The following CAMSAP2 variants were observed in gnomAD, a reference collection of about 807,000 sequenced individuals.
CAMSAP2 encodes the protein calmodulin-regulated spectrin-associated protein 2.
In CAMSAP2, 26 loss-of-function variants were observed where a neutral mutation model predicts 146.1. The observed-to-expected ratio is 0.18, with a 90% CI of 0.13 to 0.25. The LOEUF (loss-of-function observed/expected upper bound fraction) is 0.25, where lower values mean the gene tolerates loss of function less well. CAMSAP2 is among the 10% of genes least tolerant of loss of function. CAMSAP2 has a pLI of 1.00. For missense variants in CAMSAP2, 1,381 were observed against 1,759.3 expected (o/e 0.78, Z 3.85); for synonymous variants, 499 against 596.6 (o/e 0.84, Z 2.38).
chr1:200,822,911 C>T (rs781443605), intron 4 of CAMSAP2, among the ~76,000 whole-genome samples: 1 of 152,104 alleles, frequency 6.6e-6, no homozygotes, highest in Non-Finnish European at 1.5e-5. Flanking sequence ...ATTTTTCATT[C>T]ATTTTCAGAC....
intron 7 of CAMSAP2, among the ~76,000 whole-genome samples, chr1:200,844,239 A>G (rs1163719578): frequency 3.3e-5 from 5 of 152,076 alleles, no homozygotes; most frequent in African/African-American, 1.2e-4. Context: ...ATCCTTAATC[A>G]GATGAATTTT....
intron 1 of CAMSAP2, among the ~76,000 whole-genome samples, chr1:200,759,484 T>G (rs1664741323): frequency 6.6e-6 from 1 of 152,080 alleles, no homozygotes; most frequent in African/African-American, 2.4e-5. Flanking sequence ...ATCATATTGG[T>G]CAGGCAGGTC....
intron 2 of CAMSAP2, among the ~76,000 whole-genome samples, chr1:200,805,411 A>G (rs886929164): frequency 1.3e-5 from 2 of 152,192 alleles, no homozygotes; most frequent in Non-Finnish European, 2.9e-5. Context: ...TGTAGGGAAT[A>G]GGAAGATAAC....
At chr1:200,777,719 C>G (rs920502042) in intron 2 of CAMSAP2, among the ~76,000 whole-genome samples, 2 of 152,110 alleles carry the variant, frequency 1.3e-5, no homozygotes, top group African/African-American at 4.8e-5. Flanking sequence ...CATATATTCT[C>G]TATATATGCT....
At chr1:200,749,656 C>T (rs1437163904) in intron 1 of CAMSAP2, among the ~76,000 whole-genome samples, 1 of 152,126 alleles carries the variant, frequency 6.6e-6, no homozygotes, top group African/African-American at 2.4e-5. Flanking sequence ...AAAACTAGCT[C>T]CTTATCTATA....
At chr1:200,846,320 A>G (rs1667458794) in intron 8 of CAMSAP2, among the ~76,000 whole-genome samples, 1 of 152,224 alleles carries the variant, frequency 6.6e-6, no homozygotes, top group African/African-American at 2.4e-5. Flanking sequence ...TTCCACTCAA[A>G]GATTAGATTA....
chr1:200,747,203 G>T (rs1664358909), intron 1 of CAMSAP2, among the ~76,000 whole-genome samples: 1 of 152,132 alleles, frequency 6.6e-6, no homozygotes, highest in Admixed American at 6.5e-5. Context: ...CCAGCTGACT[G>T]CCAGTCACTT....
chr1:200,803,713 T>A (rs1666096172), intron 2 of CAMSAP2, among the ~76,000 whole-genome samples: 1 of 152,192 alleles, frequency 6.6e-6, no homozygotes. Flanking sequence ...TTTTAGAAAT[T>A]TGTTTTTTAA....
chr1:200,843,622 T>G (rs1433248892), intron 7 of CAMSAP2, among the ~76,000 whole-genome samples: 1 of 152,164 alleles, frequency 6.6e-6, no homozygotes, highest in Non-Finnish European at 1.5e-5. Flanking sequence ...CCAACAGCTG[T>G]TGCATCAGAT....
chr1:200,814,175 A>G (rs905830728), intron 3 of CAMSAP2, among the ~76,000 whole-genome samples: 8 of 149,008 alleles, frequency 5.4e-5, no homozygotes, highest in Non-Finnish European at 1.0e-4. Flanking sequence ...ACTACAAAAC[A>G]AACAAATAGA....
chr1:200,760,476 G>C (rs1664770620), intron 1 of CAMSAP2, among the ~76,000 whole-genome samples: 1 of 152,178 alleles, frequency 6.6e-6, no homozygotes, highest in Admixed American at 6.5e-5. Flanking sequence ...CATGTTGACA[G>C]CTTGCCTGTG....
intron 2 of CAMSAP2, among the ~76,000 whole-genome samples, chr1:200,768,246 A>G (rs1320928200): frequency 2.6e-5 from 4 of 152,216 alleles, no homozygotes; most frequent in Admixed American, 2.6e-4. Context: ...TTTACCACAT[A>G]GAGAAATGAA....
chr1:200,853,025 A>G lies in CAMSAP2; in HGVS notation c.3603-250A>G, dbSNP rs1389522345. On this transcript the variant is annotated intron_variant, in intron 12 of 16. Coordinates refer to ENST00000358823, the MANE Select transcript of CAMSAP2 (RefSeq NM_203459.4). This position sits in a 1 kb window ranked among gnomAD's most constrained non-coding sequence, Gnocchi z 5.1. ...TACACACACACACACACACACACAC[A>G]CACACGACCTAAATTATCTCAAATA... Among the ~76,000 whole-genome samples the G allele has an allele frequency of 7.2e-6, 1 of 138,370 alleles. No individual in the cohort carries two copies. The highest frequency in any genetic ancestry group is 2.6e-5 in the African/African-American group (1 of 38,106). The allele number at this position is 138,370 out of a possible 152,430, so 90.8% of individuals were successfully genotyped here.
chr1:200,739,715 G>A lies in CAMSAP2; in HGVS notation c.-113G>A. 9.5e-7 allele frequency: 1 copy of A among 1,048,868 alleles called. No homozygotes were observed. The highest frequency in any genetic ancestry group is 1.3e-6 in the Non-Finnish European group (1 of 795,802). The allele number at this position is 1,048,868 out of a possible 1,614,324, so 65.0% of individuals were successfully genotyped here. A position where few individuals can be genotyped will look rare whatever the true frequency, so the allele number is the denominator to read the frequency against. ...CTCCGTCGGCGCCCGGGCGGACATC[G>A]CCCGGGCCCCGATGGTTTGAGCTTG... On this transcript the variant is annotated 5_prime_UTR_variant, in exon 1 of 17. Coordinates refer to ENST00000358823, the MANE Select transcript of CAMSAP2 (RefSeq NM_203459.4). This position sits in a 1 kb window ranked among gnomAD's most constrained non-coding sequence, Gnocchi z 4.8.
chr1:200,745,576 A>G (rs1664298890), intron 1 of CAMSAP2, among the ~76,000 whole-genome samples: 1 of 152,242 alleles, frequency 6.6e-6, no homozygotes, highest in South Asian at 2.1e-4. Flanking sequence ...AGAGGTGGAA[A>G]CAAAATTAGA....
chr1:200,849,996 C>T lies in CAMSAP2; in HGVS notation c.3227C>T (p.Pro1076Leu), dbSNP rs767979653. The T allele has an allele frequency of 6.2e-7, 1 of 1,613,970 alleles. No individual in the cohort carries two copies. Among genetic ancestry groups the T allele is most frequent in the Admixed American group, 1.7e-5 (1 of 59,988 alleles). Residue 1076 changes from proline (P) to leucine (L), a missense_variant, in exon 11 of 17, where the codon CCT (proline) becomes CTT (leucine). By Grantham distance (98) the Pro-to-Leu change is moderately conservative. This residue lies in a region of CAMSAP2 where 560 missense variants were observed against 715.9 expected (regional missense o/e 0.78). Coordinates refer to ENST00000358823, the MANE Select transcript of CAMSAP2 (RefSeq NM_203459.4). This position sits in a 1 kb window ranked among gnomAD's most constrained non-coding sequence, Gnocchi z 6.3. ...ESTVSEVLSL[P>L]VTETVCLTPN... is the part of the protein sequence containing the mutation. The stretch of plus-strand genomic sequence containing the variant: ...ACAGTCTCTGAAGTCCTATCACTGC[C>T]TGTCACAGAGACTGTATGTCTGACA...
At chr1:200,855,058 T>G (rs2275192) in intron 14 of CAMSAP2, among the ~76,000 whole-genome samples, 169 bp downstream of exon 14, 20,344 of 150,514 alleles carry the variant, frequency 0.14, 1,553 homozygotes, top group African/African-American at 0.19. Flanking sequence ...TCTGTTAAAA[T>G]AAATTATGTA....
chr1:200,740,693 A>T (rs1664142198), intron 1 of CAMSAP2, among the ~76,000 whole-genome samples: 1 of 152,208 alleles, frequency 6.6e-6, no homozygotes, highest in African/African-American at 2.4e-5. Flanking sequence ...AGTTTTTCGA[A>T]GGCGTGTGCT....
rs141854337 is a variant in CAMSAP2, at chr1:200,859,819, T to C, written c.*1760T>C. ...CAGTTAGAAGGAAATGATAGTCAAA[T>C]ACACGTTTAGATTAAAACTAGTTTA... On this transcript the variant is annotated 3_prime_UTR_variant, in exon 17 of 17. Transcript: ENST00000358823. 6.6e-6 allele frequency: 1 copy of C among 152,378 alleles called. No homozygotes were observed. Among genetic ancestry groups the C allele is most frequent in the East Asian group, 1.9e-4 (1 of 5,302 alleles). The allele number at this position is 152,378 out of a possible 1,614,324, so 9.4% of individuals were successfully genotyped here. A position where few individuals can be genotyped will look rare whatever the true frequency, so the allele number is the denominator to read the frequency against.
Sources: allele counts gnomAD v4.1 joint callset (sites outside exome capture counted in the v4.1 genomes callset), GRCh38; gene constraint gnomAD v4.1.1; regional missense constraint gnomAD v4.1.1; non-coding constraint Gnocchi (gnomAD v3.1); transcripts MANE v1.5; gene names NCBI Gene and HGNC (gene_info 2026-07-23, HGNC 2026-07-21).